Variants in FBXO11 observed in about 807,000 individuals in gnomAD.
FBXO11 encodes the protein F-box protein 11, also known as F-box only protein 11.
A neutral mutation model predicts 117.0 loss-of-function variants in FBXO11; 13 were observed. The observed-to-expected ratio is 0.11, with a 90% confidence interval of 0.07 to 0.18. The LOEUF (loss-of-function observed/expected upper bound fraction) is 0.18. Ranked by LOEUF, FBXO11 falls within the 10% of genes least tolerant of loss-of-function variation. The pLI is 1.00. For missense variants in FBXO11, 767 were observed against 1,164.4 expected (o/e 0.66, Z 4.97); for synonymous variants, 490 against 380.5 (o/e 1.29, Z -3.35).
At chr2:47,811,834 C>T (rs1670634243) in intron 18 of FBXO11, among the ~76,000 whole-genome samples, 1 of 152,118 alleles carries the variant, frequency 6.6e-6, no homozygotes, top group African/African-American at 2.4e-5. Flanking sequence ...TTTCCAACTC[C>T]AGACTCAAGT....
chr2:47,831,138 C>G (rs1313557947), intron 11 of FBXO11, among the ~76,000 whole-genome samples: 2 of 151,698 alleles, frequency 1.3e-5, no homozygotes, highest in Admixed American at 6.6e-5. Flanking sequence ...CTGCCTTGGC[C>G]AGGCGCAGTG....
At chr2:47,810,725 A>G (rs960480925) in intron 18 of FBXO11, 29 of 248,022 alleles carry the variant, frequency 1.2e-4, no homozygotes, top group African/African-American at 6.1e-4. Flanking sequence ...GTGATTCTCA[A>G]TGAGTATTGC....
chr2:47,809,018 A>G (rs1670429197), intron 21 of FBXO11, 140 bp downstream of exon 21: 2 of 578,054 alleles, frequency 3.5e-6, no homozygotes, highest in African/African-American at 1.9e-5. Context: ...CTTAAACACG[A>G]TCTTCAAGTA....
At chr2:47,879,618 A>C (rs2103892284) in intron 1 of FBXO11, among the ~76,000 whole-genome samples, 1 of 152,288 alleles carries the variant, frequency 6.6e-6, no homozygotes, top group East Asian at 1.9e-4. Flanking sequence ...CAAGTTTCCA[A>C]GTACTTACTG....
chr2:47,905,400 GCCCCCGCC>G (rs1678704214), intron 1 of FBXO11, 81 bp downstream of exon 1: 3 of 1,069,644 alleles, frequency 2.8e-6, no homozygotes, highest in African/African-American at 2.1e-5. Flanking sequence ...CGCGCAGGCC[GCCCCCGCC>G]CGCCCGCCCG....
intron 16 of FBXO11, among the ~76,000 whole-genome samples, chr2:47,815,449 A>T (rs1438044391): frequency 6.6e-6 from 1 of 152,162 alleles, no homozygotes; most frequent in East Asian, 1.9e-4. Context: ...CTGGGACTCA[A>T]TTTGGGGGAG....
In FBXO11 at chr2:47,808,345, ACT is replaced by A. The variant is rs1230294673; in HGVS notation, c.2636_2637del (p.Glu879ValfsTer3). ...GCTACATACCTATCATGTCTAATAA[ACT>A]CTACATCATGTCCCTGATGGCACTT... Reference protein sequence around the residue: ...IKKCHQGHDVEFIRHDRFFCD... With the variant: ...IKKCHQGHDVXFIRHDRFFCD... On this transcript the variant is annotated frameshift_variant, in exon 22 of 23. Coordinates refer to ENST00000403359, the MANE Select transcript of FBXO11 (RefSeq NM_001190274.2). LOFTEE classifies it high-confidence loss of function. 6.2e-7 allele frequency: 1 copy of A among 1,612,274 alleles called. No individual in the cohort carries two copies. The highest frequency in any genetic ancestry group is 1.7e-5 in the Admixed American group (1 of 59,856).
intron 1 of FBXO11, among the ~76,000 whole-genome samples, chr2:47,880,595 T>C (rs1320782060): frequency 1.3e-5 from 2 of 152,254 alleles, no homozygotes; most frequent in Non-Finnish European, 2.9e-5. Context: ...TTTCCTGCTA[T>C]GAATGTATTT....
intron 16 of FBXO11, among the ~76,000 whole-genome samples, chr2:47,817,413 C>G (rs750548003): frequency 6.6e-6 from 1 of 152,134 alleles, no homozygotes; most frequent in African/African-American, 2.4e-5. Context: ...TGCTTTGAAC[C>G]CTGAGAAACT....
chr2:47,813,762 A>T (rs763661828), intron 17 of FBXO11, 29 bp downstream of exon 17: 1 of 1,434,728 alleles, frequency 7.0e-7, no homozygotes, highest in Non-Finnish European at 9.2e-7. Context: ...GTTTATTAAC[A>T]CAGAAAAAAG....
intron 16 of FBXO11, among the ~76,000 whole-genome samples, chr2:47,815,770 T>G (rs1670964110): frequency 6.6e-6 from 1 of 152,086 alleles, no homozygotes; most frequent in South Asian, 2.1e-4. Context: ...TTAGCGAGAG[T>G]TAGAAGTTCT....
chr2:47,892,895 T>C (rs1217803903), intron 1 of FBXO11, among the ~76,000 whole-genome samples: 1 of 152,056 alleles, frequency 6.6e-6, no homozygotes, highest in East Asian at 1.9e-4. Flanking sequence ...TGCTATAACA[T>C]AATCGCTAGG....
intron 19 of FBXO11, chr2:47,809,930 C>A: frequency 1.3e-5 from 7 of 526,334 alleles, no homozygotes. Context: ...ACCTAACTGT[C>A]TTAAAGTTTA....
chr2:47,813,717 G>C, intron 17 of FBXO11, 74 bp downstream of exon 17: 2 of 1,272,780 alleles, frequency 1.6e-6, no homozygotes, highest in Non-Finnish European at 2.3e-6. Context: ...ACAGGCGTGA[G>C]CCACCGTGCC....
In FBXO11 at chr2:47,822,225, G is replaced by A; in HGVS notation, c.1695C>T (p.Asp565=). The A allele has an allele frequency of 6.3e-7, 1 of 1,587,008 alleles. No individual in the cohort carries two copies. Among genetic ancestry groups the A allele is most frequent in the Admixed American group, 1.8e-5 (1 of 55,990 alleles). The change falls in exon 13 of 23, where the codon GAC becomes GAT. Residue 565 remains aspartate (D), a synonymous_variant. Coordinates refer to ENST00000403359, the MANE Select transcript of FBXO11 (RefSeq NM_001190274.2). ...ACAAAACCATACGCTTACCATAAATGTCATTTCCTTCAATAAGGCCTCGTC... is the reference window on the plus strand; with the variant it reads ...ACAAAACCATACGCTTACCATAAATATCATTTCCTTCAATAAGGCCTCGTC... The part of the protein sequence containing the change: ...GDGRGLIEGN[D]IYGNALAGIQ...
At chr2:47,854,826 AG>A (rs1674150969) in intron 1 of FBXO11, among the ~76,000 whole-genome samples, 1 of 151,016 alleles carries the variant, frequency 6.6e-6, no homozygotes, top group Non-Finnish European at 1.5e-5. Context: ...TTGAATGCCA[AG>A]GTAAAACAAC....
At position 47,824,285 on chromosome 2, in the gene FBXO11, C is replaced by T. The variant is rs555282805; in HGVS notation, c.1399-925G>A. 3.3e-5 allele frequency among the ~76,000 whole-genome samples: 5 copies of T among 152,062 alleles called. No individual in the cohort carries two copies. The South Asian group carries it at 8.3e-4, about 25-fold the overall frequency. ...GGAGGACTGCTTGAGCCCTGGAGCT[C>T]GAGACCAGCCTGGGTAACAGTGAGA... On this transcript the variant is annotated intron_variant, in intron 11 of 22. Coordinates refer to ENST00000403359, the MANE Select transcript of FBXO11 (RefSeq NM_001190274.2).
chr2:47,891,661 G>C (rs890279657), intron 1 of FBXO11, among the ~76,000 whole-genome samples: 3 of 152,152 alleles, frequency 2.0e-5, no homozygotes, highest in Admixed American at 2.0e-4. Context: ...TGGATCATAT[G>C]ATAGTTCTAT....
At chr2:47,816,692 A>G (rs1671030002) in intron 16 of FBXO11, among the ~76,000 whole-genome samples, 1 of 152,104 alleles carries the variant, frequency 6.6e-6, no homozygotes, top group South Asian at 2.1e-4. Context: ...GAAAACAACA[A>G]TCTCCTTGTG....
Sources: gnomAD v4.1 joint callset for allele counts (sites outside exome capture counted in the v4.1 genomes callset) on GRCh38, gnomAD v4.1.1 for gene constraint, MANE v1.5 for transcripts, NCBI Gene and HGNC (gene_info 2026-07-23, HGNC 2026-07-21) for gene names.